NTM: variants seen among roughly 807,000 people sequenced by gnomAD.
NTM encodes the protein neurotrimin.
NTM carries 13 observed loss-of-function variants against 42.1 expected under a neutral mutation model. That is an observed-to-expected ratio of 0.31 (90% CI 0.20 to 0.49). The LOEUF is 0.49. Ranked by LOEUF, NTM falls within the 20% of genes least tolerant of loss-of-function variation. The pLI is 0.99. For synonymous variants in NTM, 187 were observed against 179.2 expected (o/e 1.04, Z -0.35); for missense variants, 373 against 452.8 (o/e 0.82, Z 1.60).
At chr11:131,688,765 C>A (rs1004656830) in intron 1 of NTM, among the ~76,000 whole-genome samples, 23 of 152,286 alleles carry the variant, frequency 1.5e-4, no homozygotes, top group African/African-American at 5.5e-4. Flanking sequence ...GATCAGACAC[C>A]CAAACCGTCA....
At chr11:132,111,297 T>C (rs2136749851) in intron 2 of NTM, among the ~76,000 whole-genome samples, 1 of 151,558 alleles carries the variant, frequency 6.6e-6, no homozygotes, top group South Asian at 2.1e-4. Flanking sequence ...ATGTATTTTT[T>C]ATATATACAT....
At chr11:132,323,758 A>G (rs1261815923) in intron 7 of NTM, among the ~76,000 whole-genome samples, 1 of 152,186 alleles carries the variant, frequency 6.6e-6, no homozygotes, top group Non-Finnish European at 1.5e-5. Flanking sequence ...CTTGATGAAC[A>G]TTGATGCAAA....
At chr11:132,323,546 C>A (rs1235028155) in intron 7 of NTM, among the ~76,000 whole-genome samples, 1 of 151,766 alleles carries the variant, frequency 6.6e-6, no homozygotes, top group East Asian at 1.9e-4. Flanking sequence ...AGCTTACCAA[C>A]CAAAAAGAGT....
chr11:132,255,100 G>A (rs981375531), intron 4 of NTM, among the ~76,000 whole-genome samples: 3 of 152,244 alleles, frequency 2.0e-5, no homozygotes, highest in African/African-American at 4.8e-5. Context: ...TGTTGGATAA[G>A]CAGAAAAAGA....
intron 2 of NTM, among the ~76,000 whole-genome samples, chr11:132,116,999 G>C (rs987955447): frequency 1.3e-5 from 2 of 152,154 alleles, no homozygotes; most frequent in African/African-American, 4.8e-5. Flanking sequence ...TTCTCAAGAG[G>C]TGAGACTATT....
chr11:132,145,468 A>C (rs1326843998), intron 2 of NTM, among the ~76,000 whole-genome samples: 2 of 152,218 alleles, frequency 1.3e-5, no homozygotes, highest in Non-Finnish European at 2.9e-5. Flanking sequence ...ATGAATACAG[A>C]CAGAAAGACA....
intron 1 of NTM, among the ~76,000 whole-genome samples, chr11:131,683,897 G>T (rs922802906): frequency 2.6e-5 from 4 of 152,144 alleles, no homozygotes; most frequent in African/African-American, 9.7e-5. Flanking sequence ...TTTGTGAGGC[G>T]CTGATCTGCT....
intron 1 of NTM, among the ~76,000 whole-genome samples, chr11:131,600,833 T>C (rs756984566): frequency 4.6e-5 from 7 of 151,456 alleles, no homozygotes; most frequent in African/African-American, 7.4e-5. Context: ...TACTCTTCTG[T>C]ATAAACATTC....
At chr11:132,241,134 A>T (rs2090122314) in intron 4 of NTM, among the ~76,000 whole-genome samples, 1 of 152,234 alleles carries the variant, frequency 6.6e-6, no homozygotes, top group African/African-American at 2.4e-5. Context: ...AAGATATCCC[A>T]TTATGTATAC....
chr11:131,696,684 T>C (rs2075485288), intron 1 of NTM, among the ~76,000 whole-genome samples: 1 of 152,160 alleles, frequency 6.6e-6, no homozygotes, highest in Non-Finnish European at 1.5e-5. Flanking sequence ...TTGGCATAAA[T>C]AATAGCAATT....
chr11:132,320,596 G>A (rs182376827), intron 7 of NTM, among the ~76,000 whole-genome samples: 12 of 152,204 alleles, frequency 7.9e-5, no homozygotes, highest in African/African-American at 2.9e-4. Flanking sequence ...GTGAGGCTGG[G>A]GGAGGGGTGC....
At chr11:131,943,539 C>T (rs1448041522) in intron 2 of NTM, among the ~76,000 whole-genome samples, 1 of 152,206 alleles carries the variant, frequency 6.6e-6, no homozygotes, top group African/African-American at 2.4e-5. Context: ...TGGGTTGGCG[C>T]CCTGCCAGAG....
intron 1 of NTM, among the ~76,000 whole-genome samples, chr11:131,719,033 C>A (rs1001393172): frequency 3.3e-5 from 5 of 152,146 alleles, no homozygotes; most frequent in Admixed American, 1.3e-4. Context: ...GCTCAGCCTC[C>A]TGAGTAGCTG....
chr11:131,822,395 C>A (rs1350599308), intron 1 of NTM, among the ~76,000 whole-genome samples: 2 of 152,056 alleles, frequency 1.3e-5, no homozygotes, highest in African/African-American at 4.8e-5. Context: ...TTTCTATACA[C>A]CAGTGTGTAA....
At chr11:132,213,522 G>A (rs1343401293) in intron 4 of NTM, among the ~76,000 whole-genome samples, 4 of 151,974 alleles carry the variant, frequency 2.6e-5, no homozygotes, top group Non-Finnish European at 5.9e-5. Context: ...CTTCTGTGAG[G>A]CATAAGTCCT....
At chr11:131,873,528 G>T (rs921042432) in intron 1 of NTM, among the ~76,000 whole-genome samples, 9 of 136,676 alleles carry the variant, frequency 6.6e-5, no homozygotes, top group Non-Finnish European at 1.2e-4. Context: ...TAAAGTGTGT[G>T]TGTGTGTGTG....
intron 2 of NTM, among the ~76,000 whole-genome samples, chr11:131,926,504 C>G (rs1010003986): frequency 6.6e-6 from 1 of 151,862 alleles, no homozygotes; most frequent in Admixed American, 6.6e-5. Flanking sequence ...GTGGAATGAC[C>G]TAGTCAAAGA....
chr11:131,993,186 CAA>C lies in NTM; in HGVS notation c.167+81540_167+81541del, dbSNP rs1391890349. On this transcript the variant is annotated intron_variant, in intron 2 of 8. Transcript: ENST00000683400. ...ATTTGCGTCATAGTACACCCACTGG[CAA>C]ATAGTTTGGGAGAGAGAGGCTGCAG... Among the ~76,000 whole-genome samples the C allele has an allele frequency of 2.0e-5, 3 of 152,070 alleles. No individual in the cohort carries two copies. The East Asian group carries it at 5.8e-4, about 29-fold the overall frequency.
intron 4 of NTM, among the ~76,000 whole-genome samples, chr11:132,280,164 T>A (rs578222481): frequency 6.6e-6 from 1 of 152,296 alleles, no homozygotes; most frequent in Non-Finnish European, 1.5e-5. Flanking sequence ...TCAACCGAGG[T>A]CATCAGAGAA....
Sources: gnomAD v4.1 joint callset for allele counts (sites outside exome capture counted in the v4.1 genomes callset) on GRCh38, gnomAD v4.1.1 for gene constraint, MANE v1.5 for transcripts, NCBI Gene and HGNC (gene_info 2026-07-23, HGNC 2026-07-21) for gene names.